Variants in ENTHD1 observed in about 807,000 individuals in gnomAD.
ENTHD1 encodes the protein ENTH domain containing 1, also known as ENTH domain-containing protein 1.
ENTHD1 carries 23 observed loss-of-function variants against 39.1 expected under a neutral mutation model. The observed-to-expected ratio is 0.59, with a 90% CI of 0.42 to 0.83. The LOEUF (loss-of-function observed/expected upper bound fraction) is 0.83. ENTHD1 is among the 40% of genes least tolerant of loss of function. ENTHD1 has a pLI of 0.00. For missense variants in ENTHD1, 624 were observed against 705.4 expected (o/e 0.88, Z 1.31); for synonymous variants, 230 against 258.2 (o/e 0.89, Z 1.05).
chr22:39,819,239 C>A (rs977891681), intron 5 of ENTHD1, among the ~76,000 whole-genome samples: 5 of 152,054 alleles, frequency 3.3e-5, no homozygotes, highest in Admixed American at 1.3e-4. Context: ...GTGGCGGGTG[C>A]CTGTAGTCCC....
chr22:39,874,533 C>T (rs2066270990), intron 2 of ENTHD1: 1 of 152,144 alleles, frequency 6.6e-6, no homozygotes, highest in African/African-American at 2.4e-5. Context: ...CAAACTTCTA[C>T]TCATCATAAG....
At chr22:39,821,329 G>C (rs1039993747) in intron 4 of ENTHD1, among the ~76,000 whole-genome samples, 1 of 151,960 alleles carries the variant, frequency 6.6e-6, no homozygotes, top group African/African-American at 2.4e-5. Flanking sequence ...AGACACCGTC[G>C]GTAGATAGCA....
chr22:39,768,754 A>T (rs186685381), intron 5 of ENTHD1, among the ~76,000 whole-genome samples: 232 of 152,188 alleles, frequency 1.5e-3, no homozygotes, highest in Non-Finnish European at 2.9e-3. Flanking sequence ...TCAACTTTAT[A>T]TGTTGATTTT....
intron 5 of ENTHD1, among the ~76,000 whole-genome samples, chr22:39,779,841 T>C (rs2065394214): frequency 6.6e-6 from 1 of 152,200 alleles, no homozygotes; most frequent in Non-Finnish European, 1.5e-5. Context: ...TTCTTTGTGA[T>C]CTAAAATAAG....
At chr22:39,825,707 G>T (rs1375096241) in intron 4 of ENTHD1, among the ~76,000 whole-genome samples, 8 of 142,500 alleles carry the variant, frequency 5.6e-5, no homozygotes, top group South Asian at 2.2e-4. Context: ...AGTTTTTGTG[G>T]TTTTTTTTTT....
chr22:39,810,663 TG>T (rs1463189869), intron 5 of ENTHD1, among the ~76,000 whole-genome samples: 1 of 152,208 alleles, frequency 6.6e-6, no homozygotes, highest in Non-Finnish European at 1.5e-5. Context: ...AAAAGCCATG[TG>T]GACTGTCAAG....
intron 5 of ENTHD1, among the ~76,000 whole-genome samples, chr22:39,807,883 ACG>A: frequency 6.6e-6 from 1 of 150,772 alleles, no homozygotes; most frequent in East Asian, 1.9e-4. Flanking sequence ...ATATATATAT[ACG>A]TACGTGTGTG....
chr22:39,808,505 T>G (rs1009070908), intron 5 of ENTHD1, among the ~76,000 whole-genome samples: 29 of 152,216 alleles, frequency 1.9e-4, no homozygotes, highest in African/African-American at 7.0e-4. Flanking sequence ...AAAAGTCAAC[T>G]TGGAACTTCC....
intron 2 of ENTHD1, among the ~76,000 whole-genome samples, chr22:39,868,598 C>T (rs1601656405): frequency 6.6e-6 from 1 of 152,224 alleles, no homozygotes; most frequent in East Asian, 1.9e-4. Context: ...TCAAAAGCAA[C>T]TGCAATAAAA....
At chr22:39,882,537 T>C (rs1330881167) in intron 2 of ENTHD1, among the ~76,000 whole-genome samples, 4 of 152,184 alleles carry the variant, frequency 2.6e-5, no homozygotes, top group Admixed American at 2.6e-4. Flanking sequence ...TGGAAACATG[T>C]TAAGGGGCCT....
chr22:39,785,268 G>C (rs961087423), intron 5 of ENTHD1, among the ~76,000 whole-genome samples: 2 of 152,330 alleles, frequency 1.3e-5, no homozygotes, highest in Non-Finnish European at 2.9e-5. Flanking sequence ...CCTCAAGTCT[G>C]AGTACCTGCC....
At position 39,805,145 on chromosome 22, in the gene ENTHD1, T is replaced by A. The variant is rs367805087; in HGVS notation, c.832+15848A>T. 2.7e-3 allele frequency among the ~76,000 whole-genome samples: 406 copies of A among 152,344 alleles called. 1 individual carries two copies. Among genetic ancestry groups the A allele is most frequent in the African/African-American group, 9.3e-3 (388 of 41,570 alleles). On this transcript the variant is annotated intron_variant, in intron 5 of 6. Transcript: ENST00000325157. ...CCACTGTTCTAGGTACTGAGTGTTC[T>A]GTGAATGAAATAGAGAAAAATTCCC...
rs1310435397 is a variant in ENTHD1, at chr22:39,765,315, C to T, written c.1127G>A (p.Arg376Gln). Residue 376 changes from arginine (R) to glutamine (Q), a missense_variant, in exon 6 of 7, where the codon CGA (arginine) becomes CAA (glutamine). By Grantham distance (43) the Arg-to-Gln change is conservative. Transcript: ENST00000325157. ...CLSPSFKIFD[R>Q]VKEIVINKAY... ...CTTGTTGATTACAATCTCCTTCACT[C>T]GGTCAAATATTTTGAATGAGGGAGA... 2.5e-6 allele frequency: 4 copies of T among 1,613,594 alleles called. No individual in the cohort carries two copies. The highest frequency in any genetic ancestry group is 1.3e-5 in the African/African-American group (1 of 74,820).
At chr22:39,862,511 G>A (rs1378909364) in intron 2 of ENTHD1, among the ~76,000 whole-genome samples, 2 of 145,736 alleles carry the variant, frequency 1.4e-5, no homozygotes, top group Non-Finnish European at 3.0e-5. Flanking sequence ...TTGCACCACT[G>A]CACTCCAGCT....
At chr22:39,813,993 A>C (rs1423519460) in intron 5 of ENTHD1, among the ~76,000 whole-genome samples, 2 of 152,176 alleles carry the variant, frequency 1.3e-5, no homozygotes, top group African/African-American at 4.8e-5. Flanking sequence ...AAACCTAACG[A>C]AAGATATACA....
chr22:39,825,329 G>T (rs749052684), intron 4 of ENTHD1, among the ~76,000 whole-genome samples: 2 of 152,096 alleles, frequency 1.3e-5, no homozygotes, highest in Non-Finnish European at 2.9e-5. Flanking sequence ...TTTATATATT[G>T]CTGGATTCAA....
Position 39,833,745 on chromosome 22 carries a change from A to T in ENTHD1, c.711+2095T>A, listed in dbSNP as rs527368017. ...AATAAGAGTCCAAGAAAGATAAAAAAGTGAAAATCAACAGTAGAAAATGAT... is the reference window on the plus strand; with the variant it reads ...AATAAGAGTCCAAGAAAGATAAAAATGTGAAAATCAACAGTAGAAAATGAT... On this transcript the variant is annotated intron_variant, in intron 4 of 6. Coordinates refer to ENST00000325157, the MANE Select transcript of ENTHD1 (RefSeq NM_152512.4). Among the ~76,000 whole-genome samples, 564 of 152,060 alleles carry T rather than the reference A, an allele frequency of 3.7e-3. 5 individuals are homozygous for T. The highest frequency in any genetic ancestry group is 0.012 in the African/African-American group (499 of 41,540).
Position 39,744,271 on chromosome 22 carries a change from G to A in ENTHD1, c.1232C>T (p.Ser411Phe). ...AGGAGAAAAGGAAGATGCTCCCTCAGAAGCAGTTGAAACTAAAATGTGTAA... is the reference window on the plus strand; with the variant it reads ...AGGAGAAAAGGAAGATGCTCCCTCAAAAGCAGTTGAAACTAAAATGTGTAA... ...LKTTTRVSTA[S>F]EGASSFSPLS... is the part of the protein sequence containing the mutation. The change falls in exon 7 of 7, where the codon TCT (serine) becomes TTT (phenylalanine). Residue 411 changes from serine (S) to phenylalanine (F), a missense_variant. Ser to Phe is a radical substitution (Grantham distance 155, BLOSUM62 -2). Transcript: ENST00000325157. The A allele has an allele frequency of 6.3e-7, 1 of 1,594,194 alleles. No individual in the cohort carries two copies. The highest frequency in any genetic ancestry group is 8.5e-7 in the Non-Finnish European group (1 of 1,172,408).
At chr22:39,825,456 A>G (rs1043261327) in intron 4 of ENTHD1, among the ~76,000 whole-genome samples, 1 of 152,188 alleles carries the variant, frequency 6.6e-6, no homozygotes, top group Non-Finnish European at 1.5e-5. Context: ...TACTTGCCTC[A>G]TAAAATGAAT....
Sources: allele counts gnomAD v4.1 joint callset (sites outside exome capture counted in the v4.1 genomes callset), GRCh38; gene constraint gnomAD v4.1.1; transcripts MANE v1.5; gene names NCBI Gene and HGNC (gene_info 2026-07-23, HGNC 2026-07-21).